The following COTL1 variants were observed in gnomAD, a reference collection of about 807,000 sequenced individuals.
COTL1 encodes the protein coactosin like F-actin binding protein 1, also known as coactosin-like protein.
COTL1 carries 15 observed loss-of-function variants against 16.5 expected under a neutral mutation model. That is an observed-to-expected ratio of 0.91 (90% confidence interval 0.61 to 1.40). The LOEUF (loss-of-function observed/expected upper bound fraction) is 1.40, where lower values mean the gene tolerates loss of function less well. Ranked by LOEUF, COTL1 falls within the 40% of genes most tolerant of loss-of-function variation. The pLI, the probability that COTL1 is intolerant of heterozygous loss-of-function variation, is 0.00. For synonymous variants in COTL1, 112 were observed against 85.3 expected (o/e 1.31, Z -1.73); for missense variants, 220 against 201.5 (o/e 1.09, Z -0.56).
intron 3 of COTL1, chr16:84,576,728 C>T (rs1301727427): frequency 1.3e-5 from 2 of 152,224 alleles, no homozygotes; most frequent in African/African-American, 2.4e-5. Context: ...GGACGAAGTT[C>T]CACCAGGGAC....
intron 3 of COTL1, among the ~76,000 whole-genome samples, chr16:84,580,896 C>T (rs1329042811): frequency 6.6e-6 from 1 of 152,114 alleles, no homozygotes; most frequent in Non-Finnish European, 1.5e-5. Context: ...GTAATGCCAG[C>T]ACTTTGGGAG....
chr16:84,595,254 T>G (rs1904970525), intron 2 of COTL1: 1 of 152,314 alleles, frequency 6.6e-6, no homozygotes, highest in Non-Finnish European at 1.5e-5. Flanking sequence ...TGCTGCGTGC[T>G]TATCCGACAA....
In COTL1 at chr16:84,566,878, C is replaced by T. The variant is rs557238908; in HGVS notation, c.396G>A (p.Ala132=). Residue 132 remains alanine, a synonymous_variant, in exon 4 of 4, where the codon GCG becomes GCA. Transcript: ENST00000262428. ...TCTGGGCGTCGTAATTGGCTCCCCC[C>T]GCCTTCTTCAGCTCGCTCTTGATGA... is the stretch of plus-strand genomic sequence containing the variant. ...EDFIKSELKK[A]GGANYDAQTE 187 of 1,613,972 alleles carry T rather than the reference C, an allele frequency of 1.2e-4. 5 individuals are homozygous for T. In the South Asian group the frequency reaches 1.5e-3, roughly 13 times the overall value.
intron 2 of COTL1, chr16:84,596,975 G>GCCAGCCAGGGCCGCATC (rs1246208705): frequency 2.4e-4 from 36 of 152,280 alleles, no homozygotes; most frequent in African/African-American, 8.0e-4. Context: ...CCAGAGATCA[G>GCCAGCCAGGGCCGCATC]CCAGCCAGGG....
chr16:84,582,757 C>T (rs1413648613), intron 3 of COTL1, among the ~76,000 whole-genome samples: 2 of 151,632 alleles, frequency 1.3e-5, no homozygotes, highest in Non-Finnish European at 3.0e-5. Flanking sequence ...ATTCCAACCA[C>T]TCTGTGAAAT....
chr16:84,566,657 G>A lies in COTL1; in HGVS notation c.*188C>T. 1 of 547,154 alleles carries A rather than the reference G, an allele frequency of 1.8e-6. No individual in the cohort carries two copies. Among genetic ancestry groups the A allele is most frequent in the Non-Finnish European group, 3.2e-6 (1 of 307,736 alleles). The allele number at this position is 547,154 out of a possible 1,614,324, so 33.9% of individuals were successfully genotyped here. On this transcript the variant is annotated 3_prime_UTR_variant, in exon 4 of 4. Transcript: ENST00000262428. ...GAAAGAGGTTCCATGAGCGTCATGA[G>A]ATAGGACACGGCAGGGTTCTAAGGG...
At chr16:84,617,469 C>A (rs1341448174) in intron 2 of COTL1, 32 bp downstream of exon 2, 3 of 1,543,524 alleles carry the variant, frequency 1.9e-6, no homozygotes, top group Admixed American at 2.0e-5. Flanking sequence ...TCCCAACGAC[C>A]GCGCATCCGC....
At chr16:84,601,646 A>G (rs1905107000) in intron 2 of COTL1, among the ~76,000 whole-genome samples, 1 of 152,166 alleles carries the variant, frequency 6.6e-6, no homozygotes, top group South Asian at 2.1e-4. Context: ...AATATAGACC[A>G]GGTTTCACCA....
rs7188877 is a variant in COTL1, at chr16:84,571,965, G to A, written c.319-5010C>T. Among the ~76,000 whole-genome samples the A allele has an allele frequency of 3.4e-3, 524 of 152,362 alleles. 3 individuals are homozygous for A. The highest frequency in any genetic ancestry group is 0.012 in the African/African-American group (506 of 41,588). On this transcript the variant is annotated intron_variant, in intron 3 of 3. Transcript: ENST00000262428. ...AGCCCCCAGAGGCTTACAAAGGTGA[G>A]CCAGCACCTTCCATTCAGGGCGTGG...
At chr16:84,583,768 G>C (rs943835895) in intron 3 of COTL1, among the ~76,000 whole-genome samples, 5 of 151,962 alleles carry the variant, frequency 3.3e-5, no homozygotes, top group Non-Finnish European at 7.4e-5. Context: ...TTAGTCCTGG[G>C]GCTCAGAAGC....
At chr16:84,606,519 C>G (rs1425509667) in intron 2 of COTL1, among the ~76,000 whole-genome samples, 2 of 152,374 alleles carry the variant, frequency 1.3e-5, no homozygotes, top group East Asian at 3.9e-4. Context: ...TAAACAGGTG[C>G]ATAACTGCAC....
At position 84,586,859 on chromosome 16, in the gene COTL1, G is replaced by C. The variant is rs1471271525; in HGVS notation, c.318+3246C>G. 3.9e-5 allele frequency among the ~76,000 whole-genome samples: 6 copies of C among 152,250 alleles called. No individual in the cohort carries two copies. The Middle Eastern group carries it at 0.01, about 259-fold the overall frequency. ...GCTGCCTTGGTCTCCCAAGGTGCTAGGATTACAGGCATGAGCCACCACGCC... is the reference window on the plus strand; with the variant it reads ...GCTGCCTTGGTCTCCCAAGGTGCTACGATTACAGGCATGAGCCACCACGCC... On this transcript the variant is annotated intron_variant, in intron 3 of 3. Transcript: ENST00000262428.
chr16:84,599,203 T>C (rs533608103), intron 2 of COTL1, among the ~76,000 whole-genome samples: 28 of 151,416 alleles, frequency 1.8e-4, no homozygotes, highest in African/African-American at 5.3e-4. Context: ...CCACATTGAC[T>C]GGGGGCCTCT....
rs533630112 is a variant in COTL1, at chr16:84,590,027, G to A, written c.318+78C>T. On this transcript the variant is annotated intron_variant, in intron 3 of 3. Coordinates refer to ENST00000262428, the MANE Select transcript of COTL1 (RefSeq NM_021149.5). This position sits in a 1 kb window ranked among gnomAD's most constrained non-coding sequence, Gnocchi z 5.5. Reference sequence around the variant, plus strand: ...CAGCTAAGCTACAGACCCAGGAGTCGAACCCAGCCCTCTCCCTCCTTGCAG... The same window carrying A: ...CAGCTAAGCTACAGACCCAGGAGTCAAACCCAGCCCTCTCCCTCCTTGCAG... 22 of 1,477,302 alleles carry A rather than the reference G, an allele frequency of 1.5e-5. No homozygotes were observed. In the East Asian group the frequency reaches 3.2e-4, roughly 22 times the overall value. The allele number at this position is 1,477,302 out of a possible 1,614,324, so 91.5% of individuals were successfully genotyped here. A position where few individuals can be genotyped will look rare whatever the true frequency, so the allele number is the denominator to read the frequency against.
intron 3 of COTL1, among the ~76,000 whole-genome samples, chr16:84,583,289 C>T (rs956862229): frequency 1.3e-5 from 2 of 152,138 alleles, no homozygotes; most frequent in Non-Finnish European, 2.9e-5. Context: ...TGATTTAATA[C>T]ACGGAAAGTC....
At chr16:84,578,931 A>G (rs926995458) in intron 3 of COTL1, among the ~76,000 whole-genome samples, 2 of 151,720 alleles carry the variant, frequency 1.3e-5, no homozygotes, top group South Asian at 4.2e-4. Context: ...ACACAGATAC[A>G]TGCATGCACA....
At chr16:84,588,944 T>C (rs1323879469) in intron 3 of COTL1, among the ~76,000 whole-genome samples, 1 of 152,118 alleles carries the variant, frequency 6.6e-6, no homozygotes, top group Non-Finnish European at 1.5e-5. Flanking sequence ...TATCACCCAC[T>C]TCCATCATTA....
At chr16:84,617,450 C>T in intron 2 of COTL1, 51 bp downstream of exon 2, 1 of 1,516,510 alleles carries the variant, frequency 6.6e-7, no homozygotes, top group Non-Finnish European at 8.9e-7. Flanking sequence ...TCCCCGGGTG[C>T]AGACAACCTC....
intron 2 of COTL1, among the ~76,000 whole-genome samples, chr16:84,612,532 C>T (rs1359165472): frequency 6.6e-6 from 1 of 152,176 alleles, no homozygotes; most frequent in Non-Finnish European, 1.5e-5. Context: ...CCTGTAATCC[C>T]AGCATTTTGG....
Sources: gnomAD v4.1 joint callset for allele counts (sites outside exome capture counted in the v4.1 genomes callset) on GRCh38, gnomAD v4.1.1 for gene constraint, Gnocchi (gnomAD v3.1) non-coding constraint, MANE v1.5 for transcripts, NCBI Gene and HGNC (gene_info 2026-07-23, HGNC 2026-07-21) for gene names.